The following MFGE8 variants were observed in gnomAD, a reference collection of about 807,000 sequenced individuals.
The protein encoded by MFGE8 is milk fat globule EGF and factor V/VIII domain containing, also known as lactadherin.
In MFGE8, 34 loss-of-function variants were observed where a neutral mutation model predicts 42.6. The ratio of observed to expected loss-of-function variants is 0.80; its 90% CI spans 0.61 to 1.06. The LOEUF is 1.06. Among genes scored for constraint, MFGE8 ranks in the 50% least tolerant of loss-of-function variants. MFGE8 has a pLI of 0.00. For synonymous variants in MFGE8, 230 were observed against 214.8 expected, an observed-to-expected ratio of 1.07 and a Z score of -0.62; for missense variants, 510 against 516.9, an observed-to-expected ratio of 0.99 and a Z score of 0.13.
intron 2 of MFGE8, among the ~76,000 whole-genome samples, chr15:88,908,083 C>T (rs778119416): frequency 3.9e-5 from 6 of 152,160 alleles, no homozygotes; most frequent in East Asian, 1.9e-4. Flanking sequence ...TGAACATGCC[C>T]GTGGCCAAGG....
At chr15:88,901,839 CCT>C (rs1898451353) in intron 5 of MFGE8, 104 bp from the exon 6 acceptor site, 15 of 1,137,284 alleles carry the variant, frequency 1.3e-5, no homozygotes, top group Non-Finnish European at 1.9e-5. Flanking sequence ...CTGACCAGCC[CCT>C]GTCATGCTCT....
In MFGE8 at chr15:88,907,274, G is replaced by A. The variant is rs372059205; in HGVS notation, c.308C>T (p.Pro103Leu). 6.0e-5 allele frequency: 97 copies of A among 1,614,034 alleles called. No individual in the cohort carries two copies. The highest frequency in any genetic ancestry group is 8.8e-5 in the South Asian group (8 of 91,076). Residue 103 changes from proline to leucine, a missense_variant, in exon 3 of 8, where the codon CCG becomes CTG. By Grantham distance (98) the Pro-to-Leu change is moderately conservative. Coordinates refer to ENST00000268150, the MANE Select transcript of MFGE8 (RefSeq NM_005928.4). Reference protein sequence around the residue: ...VTFLGLQHWVPELARLNRAGM... With the variant: ...VTFLGLQHWVLELARLNRAGM... ...TGCGCGGTTCAGGCGGGCCAGCTCCGGGACCCAATGCTGCAAACCCAAGAA... is the reference window on the plus strand; with the variant it reads ...TGCGCGGTTCAGGCGGGCCAGCTCCAGGACCCAATGCTGCAAACCCAAGAA...
chr15:88,904,404 G>A (rs1422844677), intron 5 of MFGE8: 1 of 152,270 alleles, frequency 6.6e-6, no homozygotes, highest in Admixed American at 6.5e-5. Flanking sequence ...CCGACTGGAA[G>A]GCCTATAGGG....
chr15:88,901,616 G>A lies in MFGE8; in HGVS notation c.805C>T (p.Leu269=). ...LFSWNPSYAR[L]DKQGNFNAWV... Reference sequence around the variant, plus strand: ...GCGTTGAAGTTGCCCTGCTTGTCCAGCCGTGCATAGGAGGGGTTCCAGCTG... The same window carrying A: ...GCGTTGAAGTTGCCCTGCTTGTCCAACCGTGCATAGGAGGGGTTCCAGCTG... The change falls in exon 6 of 8, where the codon CTG becomes TTG. Residue 269 remains leucine, a synonymous_variant. Transcript: ENST00000268150. The A allele has an allele frequency of 6.2e-7, 1 of 1,608,666 alleles. No homozygotes were observed. Among genetic ancestry groups the A allele is most frequent in the East Asian group, 2.2e-5 (1 of 44,532 alleles).
chr15:88,905,539 T>A lies in MFGE8; in HGVS notation c.685+218A>T, dbSNP rs1567218448. ...AAACTGATGTCTTTTTCTCTATCAA[T>A]CAGAATGCCCTGGGTCATGGGTTGG... On this transcript the variant is annotated intron_variant, in intron 5 of 7. Transcript: ENST00000268150. This position sits in a 1 kb window ranked among gnomAD's most constrained non-coding sequence, Gnocchi z 6.6. 4.3e-6 allele frequency: 3 copies of A among 705,616 alleles called. No homozygotes were observed. The highest frequency in any genetic ancestry group is 7.7e-6 in the Non-Finnish European group (3 of 390,138). 43.7% of individuals were successfully genotyped at this position (705,616 alleles called of 1,614,324 possible).
intron 6 of MFGE8, 22 bp downstream of exon 6, chr15:88,901,524 CCCCAT>C: frequency 2.9e-6 from 4 of 1,401,360 alleles, no homozygotes; most frequent in African/African-American, 1.4e-5. Context: ...CCAACCCCAG[CCCCAT>C]ATCCCAAGAA....
intron 6 of MFGE8, among the ~76,000 whole-genome samples, chr15:88,900,984 C>CATTCACACACAT (rs1377164427): frequency 4.5e-5 from 3 of 67,266 alleles, no homozygotes. Flanking sequence ...TTCACACACA[C>CATTCACACACAT]ACATTCACAC....
chr15:88,905,754 C>T lies in MFGE8; in HGVS notation c.685+3G>A. The T allele has an allele frequency of 6.2e-7, 1 of 1,614,140 alleles. No individual in the cohort carries two copies. The highest frequency in any genetic ancestry group is 8.5e-7 in the Non-Finnish European group (1 of 1,180,040). On this transcript the variant is annotated splice_donor_region_variant and intron_variant, in intron 5 of 7. Transcript: ENST00000268150. This position sits in a 1 kb window ranked among gnomAD's most constrained non-coding sequence, Gnocchi z 6.6. ...CCCCCCTACCCGCACCCCCAGCACT[C>T]ACCGTTCAGCTCACAGCCCAGTAGC...
In MFGE8 at chr15:88,909,938, A is replaced by G. The variant is rs1472640492; in HGVS notation, c.74-15T>C. On this transcript the variant is annotated splice_polypyrimidine_tract_variant and intron_variant, in intron 1 of 7. Coordinates refer to ENST00000268150, the MANE Select transcript of MFGE8 (RefSeq NM_005928.4). Reference sequence around the variant, plus strand: ...GGAACAGATATCTGGGGACAGAGACAGGTAAGATGAGCAGATGATCAGGAA... The same window carrying G: ...GGAACAGATATCTGGGGACAGAGACGGGTAAGATGAGCAGATGATCAGGAA... 6.2e-7 allele frequency: 1 copy of G among 1,613,688 alleles called. No individual in the cohort carries two copies. The highest frequency in any genetic ancestry group is 2.2e-5 in the East Asian group (1 of 44,880).
At chr15:88,912,299 T>C in intron 1 of MFGE8, 1 of 1,282,822 alleles carries the variant, frequency 7.8e-7, no homozygotes, top group Middle Eastern at 2.2e-4. Flanking sequence ...AAGATCCAGC[T>C]GTCTTTCATG....
Position 88,901,618 on chromosome 15 carries a change from C to A in MFGE8, c.803G>T (p.Arg268Leu), listed in dbSNP as rs778319396. The change falls in exon 6 of 8, where the codon CGG (arginine) becomes CTG (leucine). Residue 268 changes from arginine to leucine, a missense_variant. Coordinates refer to ENST00000268150, the MANE Select transcript of MFGE8 (RefSeq NM_005928.4). ...HLFSWNPSYA[R>L]LDKQGNFNAW... ...GTTGAAGTTGCCCTGCTTGTCCAGCCGTGCATAGGAGGGGTTCCAGCTGAA... is the reference window on the plus strand; with the variant it reads ...GTTGAAGTTGCCCTGCTTGTCCAGCAGTGCATAGGAGGGGTTCCAGCTGAA... 1 of 1,613,930 alleles carries A rather than the reference C, an allele frequency of 6.2e-7. No individual in the cohort carries two copies. Among genetic ancestry groups the A allele is most frequent in the Non-Finnish European group, 8.5e-7 (1 of 1,180,002 alleles).
At chr15:88,912,082 A>G in intron 1 of MFGE8, 5 of 1,281,586 alleles carry the variant, frequency 3.9e-6, no homozygotes, top group Non-Finnish European at 4.1e-6. Context: ...GTCCAGTGGG[A>G]AAAAGGGAAA....
At chr15:88,911,609 C>G (rs986497545) in intron 1 of MFGE8, among the ~76,000 whole-genome samples, 2 of 152,132 alleles carry the variant, frequency 1.3e-5, no homozygotes, top group Non-Finnish European at 1.5e-5. Flanking sequence ...TGCCTGTAGT[C>G]CCAGCTACTT....
chr15:88,912,036 A>G, intron 1 of MFGE8: 1 of 1,058,324 alleles, frequency 9.4e-7, no homozygotes, highest in Non-Finnish European at 1.3e-6. Flanking sequence ...TCCCAACTGC[A>G]CCGGCCCTCT....
chr15:88,912,515 G>T, intron 1 of MFGE8: 1 of 985,366 alleles, frequency 1.0e-6, no homozygotes. Context: ...AGCGCTCCAC[G>T]GTGAATGGCA....
At chr15:88,910,137 C>T (rs906826054) in intron 1 of MFGE8, 21 of 544,912 alleles carry the variant, frequency 3.9e-5, no homozygotes, top group Middle Eastern at 5.3e-4. Context: ...ATAAGGGAAG[C>T]GCCCAGCTTT....
At chr15:88,909,351 C>A (rs1898847952) in intron 2 of MFGE8, among the ~76,000 whole-genome samples, 1 of 152,230 alleles carries the variant, frequency 6.6e-6, no homozygotes, top group South Asian at 2.1e-4. Context: ...AACTGTCAGA[C>A]TCTGAAACCA....
At position 88,899,520 on chromosome 15, in the gene MFGE8, T is replaced by C. The variant is rs932378116; in HGVS notation, c.1039A>G (p.Asn347Asp). The C allele has an allele frequency of 1.2e-6, 2 of 1,614,042 alleles. No homozygotes were observed. Among genetic ancestry groups the C allele is most frequent in the Admixed American group, 1.7e-5 (1 of 59,998 alleles). The change falls in exon 8 of 8, where the codon AAC (asparagine) becomes GAC (aspartate). Residue 347 changes from asparagine to aspartate, a missense_variant. Asn to Asp is a conservative substitution (Grantham distance 23). Transcript: ENST00000268150. The surrounding 1 kb of genome is among the most constrained non-coding windows in gnomAD (Gnocchi z 6.8). Reference sequence around the variant, plus strand: ...TTCTTGTGGGAGTGGTTGTCCCAGTTGCCAGGGAAGATCTAGAGGCAGAGC... The same window carrying C: ...TTCTTGTGGGAGTGGTTGTCCCAGTCGCCAGGGAAGATCTAGAGGCAGAGC... ...RTGSSKIFPGNWDNHSHKKNL... is the reference protein window; with the variant it reads ...RTGSSKIFPGDWDNHSHKKNL...
intron 6 of MFGE8, chr15:88,900,708 C>T: frequency 1.0e-6 from 1 of 985,428 alleles, no homozygotes; most frequent in Non-Finnish European, 1.2e-6. Flanking sequence ...CAGCTCTCGG[C>T]TTCCTCATCT....
Sources: allele counts gnomAD v4.1 joint callset (sites outside exome capture counted in the v4.1 genomes callset), GRCh38; gene constraint gnomAD v4.1.1; non-coding constraint Gnocchi (gnomAD v3.1); transcripts MANE v1.5; gene names NCBI Gene and HGNC (gene_info 2026-07-23, HGNC 2026-07-21).